LARP1B: variants seen among roughly 807,000 people sequenced by gnomAD.
LARP1B encodes La ribonucleoprotein 1B.
Under a neutral mutation model 114.2 loss-of-function variants are expected in LARP1B, and 76 were observed. The ratio of observed to expected loss-of-function variants is 0.67; its 90% confidence interval spans 0.55 to 0.81. LARP1B has a LOEUF of 0.81. LARP1B is among the 30% of genes least tolerant of loss of function. LARP1B has a pLI of 0.00. For synonymous variants in LARP1B, 345 were observed against 348.0 expected (o/e 0.99, Z 0.10); for missense variants, 1,014 against 1,075.8 (o/e 0.94, Z 0.80).
intron 11 of LARP1B, chr4:128,123,697 A>G (rs2150028684): frequency 1.1e-6 from 1 of 945,394 alleles, no homozygotes; most frequent in African/African-American, 1.8e-5. Flanking sequence ...TGGAGTAAAC[A>G]TTATGCATTA....
intron 12 of LARP1B, among the ~76,000 whole-genome samples, chr4:128,167,021 C>G (rs906476073): frequency 3.0e-5 from 4 of 132,436 alleles, no homozygotes; most frequent in Non-Finnish European, 6.6e-5. Flanking sequence ...TACATATATA[C>G]ATACACACGT....
At chr4:128,155,822 C>A in intron 11 of LARP1B, 1 of 1,582,656 alleles carries the variant, frequency 6.3e-7, no homozygotes, top group Non-Finnish European at 8.7e-7. Flanking sequence ...GATGAGAAAT[C>A]AGGGCTGCAG....
chr4:128,130,831 G>A (rs1269823332), intron 11 of LARP1B, among the ~76,000 whole-genome samples: 1 of 152,126 alleles, frequency 6.6e-6, no homozygotes, highest in Non-Finnish European at 1.5e-5. Flanking sequence ...TCAGACAATG[G>A]ACTTACTCAG....
chr4:128,148,315 C>T (rs1731215739), intron 11 of LARP1B, among the ~76,000 whole-genome samples: 1 of 151,808 alleles, frequency 6.6e-6, no homozygotes, highest in Non-Finnish European at 1.5e-5. Flanking sequence ...CCTATAACCC[C>T]AGCTACTTGG....
intron 7 of LARP1B, among the ~76,000 whole-genome samples, chr4:128,221,947 A>G (rs186270964): frequency 5.3e-5 from 8 of 152,368 alleles, no homozygotes; most frequent in Admixed American, 5.2e-4. Flanking sequence ...ATGGTGGTAC[A>G]GTAAGCACTT....
Position 128,135,300 on chromosome 4 carries a change from T to A in LARP1B, c.1524+13112T>A, listed in dbSNP as rs569849194. Among the ~76,000 whole-genome samples the A allele has an allele frequency of 2.0e-5, 3 of 152,168 alleles. No homozygotes were observed. In the East Asian group the frequency reaches 5.8e-4, roughly 29 times the overall value. ...GTTGTTAACAAGGATTTGGAGAAATTAGACCCTTGCGAACTCTCATGTGAA... is the reference window on the plus strand; with the variant it reads ...GTTGTTAACAAGGATTTGGAGAAATAAGACCCTTGCGAACTCTCATGTGAA... On this transcript the variant is annotated intron_variant, in intron 11 of 19. Coordinates refer to ENST00000326639, the MANE Select transcript of LARP1B (RefSeq NM_018078.4).
At chr4:128,080,723 C>T (rs758238912) in intron 4 of LARP1B, among the ~76,000 whole-genome samples, 9 of 152,088 alleles carry the variant, frequency 5.9e-5, no homozygotes, top group Non-Finnish European at 1.2e-4. Context: ...TAATTAGTTA[C>T]ATTGTCATTT....
At chr4:128,219,762 A>T (rs1578854425) in intron 6 of LARP1B, among the ~76,000 whole-genome samples, 1 of 150,896 alleles carries the variant, frequency 6.6e-6, no homozygotes, top group African/African-American at 2.4e-5. Context: ...AACCTGCACA[A>T]TGTGCACATG....
chr4:128,100,477 T>A (rs1443103260), intron 8 of LARP1B, among the ~76,000 whole-genome samples: 1 of 151,524 alleles, frequency 6.6e-6, no homozygotes, highest in East Asian at 2.0e-4. Context: ...TTTCACCATG[T>A]TGGCCAGGAT....
At chr4:128,084,163 C>T (rs934324768) in intron 5 of LARP1B, among the ~76,000 whole-genome samples, 4 of 152,056 alleles carry the variant, frequency 2.6e-5, no homozygotes, top group Admixed American at 1.3e-4. Context: ...CAGAGGGGCT[C>T]CTCACGTCCC....
chr4:128,164,606 T>C (rs934488678), intron 12 of LARP1B, among the ~76,000 whole-genome samples: 1 of 152,190 alleles, frequency 6.6e-6, no homozygotes, highest in Non-Finnish European at 1.5e-5. Flanking sequence ...CTATTTTTAC[T>C]GAGGTTTTCC....
intron 7 of LARP1B, among the ~76,000 whole-genome samples, chr4:128,222,156 T>A (rs1011929633): frequency 6.6e-6 from 1 of 152,256 alleles, no homozygotes; most frequent in Admixed American, 6.5e-5. Flanking sequence ...AATGCTTTTC[T>A]GCCCTTGTGG....
chr4:128,216,716 A>G (rs1206061010), downstream of LARP1B, among the ~76,000 whole-genome samples: 2 of 151,516 alleles, frequency 1.3e-5, no homozygotes, highest in African/African-American at 2.4e-5. Flanking sequence ...TTGACACCCT[A>G]ACATCACAAT....
chr4:128,090,074 C>CTT (rs778984219), intron 5 of LARP1B, among the ~76,000 whole-genome samples: 8 of 119,214 alleles, frequency 6.7e-5, no homozygotes, highest in East Asian at 5.1e-4. Flanking sequence ...CACCGGGCCT[C>CTT]TTTTTTTTTT....
At chr4:128,154,858 C>T (rs1294778912) in intron 11 of LARP1B, among the ~76,000 whole-genome samples, 4 of 151,936 alleles carry the variant, frequency 2.6e-5, no homozygotes, top group Non-Finnish European at 5.9e-5. Context: ...ACTGCAACCT[C>T]CGTCTCCTGG....
intron 7 of LARP1B, among the ~76,000 whole-genome samples, chr4:128,092,129 TTC>T (rs1407116850): frequency 1.3e-4 from 20 of 152,170 alleles, no homozygotes; most frequent in Admixed American, 2.6e-4. Context: ...ACTGTAAAGC[TTC>T]TCTATATATA....
chr4:128,216,963 CACCACCGAT>C (rs1257744630), downstream of LARP1B, among the ~76,000 whole-genome samples: 5 of 151,382 alleles, frequency 3.3e-5, no homozygotes, highest in African/African-American at 1.2e-4. Flanking sequence ...AAGGGGATAT[CACCACCGAT>C]CCCACAGAAA....
At chr4:128,067,527 T>C (rs1265876849) in intron 1 of LARP1B, among the ~76,000 whole-genome samples, 1 of 152,124 alleles carries the variant, frequency 6.6e-6, no homozygotes, top group Non-Finnish European at 1.5e-5. Flanking sequence ...GTGAGAAATT[T>C]TCTTCCACTT....
chr4:128,184,065 ACTC>A (rs1031076065), intron 15 of LARP1B, among the ~76,000 whole-genome samples: 2 of 152,144 alleles, frequency 1.3e-5, no homozygotes, highest in Admixed American at 1.3e-4. Flanking sequence ...GATAGAATCT[ACTC>A]CTGGTGAAGA....
Sources: gnomAD v4.1 joint callset for allele counts (sites outside exome capture counted in the v4.1 genomes callset) on GRCh38, gnomAD v4.1.1 for gene constraint, MANE v1.5 for transcripts, NCBI Gene and HGNC (gene_info 2026-07-23, HGNC 2026-07-21) for gene names.